PRRT4: variants seen among roughly 807,000 people sequenced by gnomAD.
PRRT4 encodes proline-rich transmembrane protein 4.
Under a neutral mutation model 55.6 loss-of-function variants are expected in PRRT4, and 59 were observed. The observed-to-expected ratio is 1.06, with a 90% CI of 0.86 to 1.32. The LOEUF (loss-of-function observed/expected upper bound fraction) is 1.32, where lower values mean the gene tolerates loss of function less well. PRRT4 is among the 40% of genes most tolerant of loss of function. PRRT4 has a pLI of 0.00. For missense variants in PRRT4, 1,217 were observed against 1,222.0 expected (o/e 1.00, Z 0.06); for synonymous variants, 606 against 601.8 (o/e 1.01, Z -0.10).
exon 5 of PRRT4, chr7:128,351,590 C>T: frequency 1.3e-6 from 2 of 1,504,502 alleles, no homozygotes; most frequent in African/African-American, 1.4e-5. Context: ...TCTGGGGGCC[C>T]AGTGACCCAG....
chr7:128,357,148 T>G (rs1309124714), intron 4 of PRRT4, among the ~76,000 whole-genome samples: 1 of 151,442 alleles, frequency 6.6e-6, no homozygotes, highest in African/African-American at 2.4e-5. Context: ...GCACTTAGGT[T>G]AGAAAGATTC....
exon 2 of PRRT4, chr7:128,359,717 C>T (rs750234373): frequency 6.4e-7 from 1 of 1,551,570 alleles, no homozygotes; most frequent in South Asian, 1.2e-5. Flanking sequence ...AGTCCTCAGC[C>T]CACTGGCCAC....
intron 4 of PRRT4, among the ~76,000 whole-genome samples, chr7:128,357,268 T>C (rs1317047128): frequency 1.4e-5 from 2 of 142,206 alleles, no homozygotes; most frequent in East Asian, 2.0e-4. Context: ...TCTCTCTCTC[T>C]GCTGGCAAGA....
chr7:128,352,305 G>T, exon 5 of PRRT4: 1 of 1,543,138 alleles, frequency 6.5e-7, no homozygotes. Flanking sequence ...CGTCGTAGAA[G>T]AGCGGGAAGG....
Position 128,361,097 on chromosome 7 carries a change from T to TCA in PRRT4, c.-73+463_-73+464insTG, listed in dbSNP as rs1384355573. ...CCCTGTCTCTCTCTCTCTCTCTCTC[T>TCA]CTCTCTCACACACACACACACACAC... On this transcript the variant is annotated intron_variant, in intron 1 of 4. Coordinates refer to ENST00000535159, the Ensembl canonical transcript of PRRT4. Among the ~76,000 whole-genome samples, 264 of 136,342 alleles carry TCA rather than the reference T, an allele frequency of 1.9e-3. 2 individuals carry two copies. Among genetic ancestry groups the TCA allele is most frequent in the African/African-American group, 6.6e-3 (226 of 34,108 alleles). The allele number at this position is 136,342 out of a possible 152,430, so 89.4% of individuals were successfully genotyped here. A position where few individuals can be genotyped will look rare whatever the true frequency, so the allele number is the denominator to read the frequency against.
chr7:128,357,209 T>C lies in PRRT4; in HGVS notation c.877+1472A>G, dbSNP rs1049726580. ...TTGTATGGTAACTGCTTGATACAAA[T>C]ACACACACACACACACACACACACA... On this transcript the variant is annotated intron_variant, in intron 4 of 4. Coordinates refer to ENST00000535159, the Ensembl canonical transcript of PRRT4. Among the ~76,000 whole-genome samples, 7 of 127,276 alleles carry C rather than the reference T, an allele frequency of 5.5e-5. No homozygotes were observed. In the South Asian group the frequency reaches 1.1e-3, roughly 21 times the overall value. The allele number at this position is 127,276 out of a possible 152,430, so 83.5% of individuals were successfully genotyped here.
At chr7:128,357,407 C>A (rs1797138079) in intron 4 of PRRT4, among the ~76,000 whole-genome samples, 1 of 152,114 alleles carries the variant, frequency 6.6e-6, no homozygotes, top group Admixed American at 6.5e-5. Context: ...CGCCAGCCTG[C>A]CCGGCTGCAC....
chr7:128,351,078 C>CA lies in PRRT4; in HGVS notation c.2477_2478insT (p.Arg827AlafsTer42). The CA allele has an allele frequency of 6.5e-7, 1 of 1,549,174 alleles. No homozygotes were observed. The highest frequency in any genetic ancestry group is 8.7e-7 in the Non-Finnish European group (1 of 1,146,804). ...TGAGGACGCAGACCAGAGGGCAGCG[C>CA]GGGGGCCTGTCGGGGCTGGAACACA... On this transcript the variant is annotated frameshift_variant, in exon 5 of 5. Coordinates refer to ENST00000535159, the Ensembl canonical transcript of PRRT4. LOFTEE classifies it high-confidence loss of function.
At chr7:128,351,980 CCCGCCG>C in exon 5 of PRRT4, 1 of 1,298,436 alleles carries the variant, frequency 7.7e-7, no homozygotes, top group South Asian at 2.2e-5. Flanking sequence ...GGCGCCCCGG[CCCGCCG>C]CCGCCGCCCG....
Position 128,352,210 on chromosome 7 carries a change from C to CCCAGG in PRRT4, c.1341_1345dup (p.Gly449AlafsTer124), listed in dbSNP as rs1281275464. Reference sequence around the variant, plus strand: ...CCGGGCCAGCAGCAGGCAGGCCAGCCCCAGGCCGGCAGCCAAGCAGGGCAG... The same window carrying CCCAGG: ...CCGGGCCAGCAGCAGGCAGGCCAGCCCCAGGCCAGGCCGGCAGCCAAGCAGGGCAG... On this transcript the variant is annotated frameshift_variant, in exon 5 of 5. Coordinates refer to ENST00000535159, the Ensembl canonical transcript of PRRT4. LOFTEE classifies it high-confidence loss of function. 5.9e-6 allele frequency: 9 copies of CCCAGG among 1,527,212 alleles called. 1 individual carries two copies. In the South Asian group the frequency reaches 1.1e-4, roughly 18 times the overall value. 94.6% of individuals were successfully genotyped at this position (1,527,212 alleles called of 1,614,324 possible). A position where few individuals can be genotyped will look rare whatever the true frequency, so the allele number is the denominator to read the frequency against.
At chr7:128,359,228 T>C (rs1228370554) in exon 3 of PRRT4, 1 of 1,551,474 alleles carries the variant, frequency 6.4e-7, no homozygotes, top group Non-Finnish European at 8.7e-7. Context: ...AGTTCCGGAG[T>C]GGGGACAGAG....
chr7:128,351,666 C>A, exon 5 of PRRT4: 5 of 1,511,952 alleles, frequency 3.3e-6, no homozygotes, highest in Non-Finnish European at 4.4e-6. Context: ...AGCAGCGCGG[C>A]GGCACGCGAG....
Position 128,351,842 on chromosome 7 carries a change from C to T in PRRT4, c.1714G>A (p.Gly572Arg). Residue 572 changes from glycine to arginine, a missense_variant, in exon 5 of 5, where the codon GGA (glycine) becomes AGA (arginine). Physicochemically the swap from Gly to Arg is moderately radical, Grantham distance 125. Transcript: ENST00000535159. ...AGCACCTCATAGCCCTGCAGGGCTC[C>T]GCTCAGCAGCCCGAAGGTGCCCGCC... is the stretch of plus-strand genomic sequence containing the variant. 3.0e-6 allele frequency: 4 copies of T among 1,341,860 alleles called. No homozygotes were observed. Among genetic ancestry groups the T allele is most frequent in the Non-Finnish European group, 3.8e-6 (4 of 1,054,186 alleles). The allele number at this position is 1,341,860 out of a possible 1,614,324, so 83.1% of individuals were successfully genotyped here. A position where few individuals can be genotyped will look rare whatever the true frequency, so the allele number is the denominator to read the frequency against.
At chr7:128,360,547 AG>A (rs1401066566) in intron 1 of PRRT4, among the ~76,000 whole-genome samples, 1 of 152,070 alleles carries the variant, frequency 6.6e-6, no homozygotes, top group African/African-American at 2.4e-5. Flanking sequence ...CTCAGACCCC[AG>A]GGGGCACAGG....
chr7:128,351,989 G>C, exon 5 of PRRT4: 1 of 1,304,674 alleles, frequency 7.7e-7, no homozygotes. Context: ...GCCCGCCGCC[G>C]CCGCCCGCCC....
chr7:128,351,592 G>C, exon 5 of PRRT4: 6 of 1,505,264 alleles, frequency 4.0e-6, no homozygotes, highest in Non-Finnish European at 5.3e-6. Context: ...TGGGGGCCCA[G>C]TGACCCAGCC....
rs1041496249 is a variant in PRRT4 at position 128,352,479 on chromosome 7, C to T, written c.1077G>A (p.Trp359Ter). 1.1e-5 allele frequency: 17 copies of T among 1,540,300 alleles called. No individual in the cohort carries two copies. The highest frequency in any genetic ancestry group is 1.5e-5 in the Non-Finnish European group (17 of 1,146,774). The change falls in exon 5 of 5, where the codon TGG (tryptophan) becomes TGA (stop). Residue 359 changes from tryptophan (W) to a stop codon, truncating the protein, a stop_gained. Transcript: ENST00000535159. LOFTEE classifies it high-confidence loss of function. ...ACACGTGGGCCTCCCAGGCCAGCCC[C>T]CAGCGAGCCCTGGCCTCTGCCCAGT...
chr7:128,351,989 G>T lies in PRRT4; in HGVS notation c.1567C>A (p.Arg523=), dbSNP rs774037066. 449 of 1,304,674 alleles carry T rather than the reference G, an allele frequency of 3.4e-4. 3 individuals are homozygous for T. The African/African-American group carries it at 6.3e-3, about 18-fold the overall frequency. The allele number at this position is 1,304,674 out of a possible 1,614,324, so 80.8% of individuals were successfully genotyped here. The change falls in exon 5 of 5, where the codon CGG becomes AGG. Residue 523 remains arginine, a synonymous_variant. Coordinates refer to ENST00000535159, the Ensembl canonical transcript of PRRT4. The stretch of plus-strand genomic sequence containing the variant: ...CCCAGGGGCGCCCCGGCCCGCCGCC[G>T]CCGCCCGCCCCAGCAGGAGAGCGCC...
At chr7:128,353,314 A>T (rs903603763) in intron 4 of PRRT4, among the ~76,000 whole-genome samples, 1 of 152,100 alleles carries the variant, frequency 6.6e-6, no homozygotes, top group Non-Finnish European at 1.5e-5. Context: ...TTCTAACATT[A>T]GTGTGCTTAT....
Sources: allele counts gnomAD v4.1 joint callset (sites outside exome capture counted in the v4.1 genomes callset), GRCh38; gene constraint gnomAD v4.1.1; transcripts MANE v1.5; gene names NCBI Gene and HGNC (gene_info 2026-07-23, HGNC 2026-07-21).